The following SLC36A1 variants were observed in gnomAD, a reference collection of about 807,000 sequenced individuals.
SLC36A1 encodes the protein solute carrier family 36 member 1.
A neutral mutation model predicts 47.5 loss-of-function variants in SLC36A1; 30 were observed. The observed-to-expected ratio is 0.63, with a 90% CI of 0.47 to 0.86. The LOEUF (loss-of-function observed/expected upper bound fraction) is 0.86. SLC36A1 is among the 40% of genes least tolerant of loss of function. SLC36A1 has a pLI of 0.00. For synonymous variants in SLC36A1, 255 were observed against 249.7 expected, an observed-to-expected ratio of 1.02 and a Z score of -0.20; for missense variants, 517 against 606.0, an observed-to-expected ratio of 0.85 and a Z score of 1.54.
chr5:151,381,969 C>A, the SLC36A1 span: 1 of 505,100 alleles, frequency 2.0e-6, no homozygotes, highest in East Asian at 3.5e-5. Flanking sequence ...CAAGGTGAAC[C>A]CCTTGGGGGG....
chr5:151,529,084 C>T, the SLC36A1 span: 1 of 1,070,878 alleles, frequency 9.3e-7, no homozygotes, highest in Non-Finnish European at 1.4e-6. Flanking sequence ...ACTTAATAAA[C>T]TAATCCATGC....
At chr5:151,507,173 G>C in the SLC36A1 span, 1 of 1,592,416 alleles carries the variant, frequency 6.3e-7, no homozygotes, top group Non-Finnish European at 8.6e-7. Context: ...CGCTGGACCA[G>C]GTTCTCTTAA....
the SLC36A1 span, among the ~76,000 whole-genome samples, chr5:151,523,126 C>A: frequency 6.6e-6 from 1 of 152,088 alleles, no homozygotes; most frequent in South Asian, 2.1e-4. Context: ...CACTCCAACA[C>A]TTTTAATGTA....
At chr5:151,515,091 T>C in the SLC36A1 span, among the ~76,000 whole-genome samples, 2 of 152,108 alleles carry the variant, frequency 1.3e-5, no homozygotes, top group East Asian at 3.8e-4. Flanking sequence ...CGGAAACCAT[T>C]GGTGTCAGGG....
At chr5:151,464,427 A>G in intron 3 of SLC36A1, 87 bp from the exon 4 acceptor site, 1 of 1,194,420 alleles carries the variant, frequency 8.4e-7, no homozygotes, top group Non-Finnish European at 1.2e-6. Context: ...TAGCTTTTTA[A>G]TCCTTTGTGA....
the SLC36A1 span, chr5:151,382,414 C>G: frequency 1.5e-6 from 1 of 663,546 alleles, no homozygotes; most frequent in Non-Finnish European, 2.7e-6. Context: ...AGGCAAGCTC[C>G]TTGCTCAGTA....
chr5:151,505,721 C>A, the SLC36A1 span: 2 of 1,613,864 alleles, frequency 1.2e-6, no homozygotes, highest in African/African-American at 2.7e-5. Context: ...GGCGCATACC[C>A]ACCCCCTTGT....
the SLC36A1 span, chr5:151,542,464 G>A: frequency 1.9e-6 from 3 of 1,614,212 alleles, no homozygotes; most frequent in Non-Finnish European, 2.5e-6. Flanking sequence ...CAGGGCCTGA[G>A]AGGATAGCTG....
At chr5:151,477,124 G>C (rs1173793996) in intron 9 of SLC36A1, 1 of 368,276 alleles carries the variant, frequency 2.7e-6, no homozygotes, top group Non-Finnish European at 5.3e-6. Context: ...TCCCTTGGTA[G>C]TAACAGGCTT....
chr5:151,454,281 A>T (rs1041579059), intron 1 of SLC36A1, among the ~76,000 whole-genome samples: 1 of 152,058 alleles, frequency 6.6e-6, no homozygotes, highest in Non-Finnish European at 1.5e-5. Flanking sequence ...AGGTACTATT[A>T]AAATCTCCCA....
the SLC36A1 span, among the ~76,000 whole-genome samples, chr5:151,356,457 A>T: frequency 6.6e-6 from 1 of 151,890 alleles, no homozygotes; most frequent in Non-Finnish European, 1.5e-5. Context: ...AGCTGGAGCC[A>T]GCAAACTCTA....
At chr5:151,549,341 A>C in the SLC36A1 span, 1 of 1,613,766 alleles carries the variant, frequency 6.2e-7, no homozygotes, top group African/African-American at 1.3e-5. Flanking sequence ...CCCGGTCAGC[A>C]TCCATGGCTC....
downstream of SLC36A1, among the ~76,000 whole-genome samples, chr5:151,493,242 T>A (rs559477209): frequency 8.5e-5 from 13 of 152,234 alleles, no homozygotes; most frequent in South Asian, 2.1e-4. Context: ...CCCAAAATAC[T>A]TGAGAATTTG....
the SLC36A1 span, among the ~76,000 whole-genome samples, chr5:151,536,281 G>A: frequency 1.3e-5 from 2 of 152,130 alleles, no homozygotes; most frequent in African/African-American, 4.8e-5. Context: ...ACAAAGAGCA[G>A]CAGAGAGAGG....
chr5:151,438,754 C>T (rs1759927055), intron 1 of SLC36A1, among the ~76,000 whole-genome samples: 1 of 152,214 alleles, frequency 6.6e-6, no homozygotes, highest in African/African-American at 2.4e-5. Flanking sequence ...CTCTCCCAGG[C>T]ACCAGAGACC....
chr5:151,351,126 A>T, the SLC36A1 span, among the ~76,000 whole-genome samples: 1 of 152,214 alleles, frequency 6.6e-6, no homozygotes, highest in African/African-American at 2.4e-5. Flanking sequence ...GTCAGTGCCC[A>T]GAGAGGAGAA....
At chr5:151,550,539 C>G in the SLC36A1 span, 5 of 1,589,562 alleles carry the variant, frequency 3.1e-6, no homozygotes, top group Admixed American at 5.1e-5. Flanking sequence ...ATGTCCACCC[C>G]TACACATCTA....
At chr5:151,439,044 G>A (rs532563913) in intron 1 of SLC36A1, among the ~76,000 whole-genome samples, 2 of 152,016 alleles carry the variant, frequency 1.3e-5, no homozygotes, top group African/African-American at 2.4e-5. Flanking sequence ...GTTCTACATG[G>A]CTGGGAGGCC....
the SLC36A1 span, among the ~76,000 whole-genome samples, chr5:151,407,480 C>T: frequency 6.6e-6 from 1 of 151,370 alleles, no homozygotes; most frequent in African/African-American, 2.5e-5. Flanking sequence ...ATTAGCTAGA[C>T]ACAGAGCACT....
Sources: allele counts gnomAD v4.1 joint callset (sites outside exome capture counted in the v4.1 genomes callset), GRCh38; gene constraint gnomAD v4.1.1; transcripts MANE v1.5; gene names NCBI Gene and HGNC (gene_info 2026-07-23, HGNC 2026-07-21).